WTIP: variants seen among roughly 807,000 people sequenced by gnomAD.
WTIP encodes WT1 interacting protein.
Under a neutral mutation model 41.7 loss-of-function variants are expected in WTIP, and 23 were observed. That is an observed-to-expected ratio of 0.55 (90% CI 0.40 to 0.78). The LOEUF is 0.78. WTIP is among the 30% of genes least tolerant of loss of function. The pLI, the probability that WTIP is intolerant of heterozygous loss-of-function variation, is 0.00. For synonymous variants in WTIP, 314 were observed against 269.9 expected (o/e 1.16, Z -1.60); for missense variants, 619 against 610.5 (o/e 1.01, Z -0.15).
chr19:34,486,460 C>G (rs1221170733), intron 1 of WTIP, among the ~76,000 whole-genome samples: 2 of 151,860 alleles, frequency 1.3e-5, no homozygotes, highest in African/African-American at 4.8e-5. Flanking sequence ...CTCCGCCTCC[C>G]AGGTTCAAGT....
At position 34,493,283 on chromosome 19, in the gene WTIP, G is replaced by GTGTGT; in HGVS notation, c.858_859insTGTGT (p.Ala287CysfsTer16). ...CCCAGTACTCCGGGTTCCAGCAGAC[G>GTGTGT]GCCGACAAATGCAGCGTGTGTGGAC... is the stretch of plus-strand genomic sequence containing the variant. On this transcript the variant is annotated frameshift_variant, in exon 4 of 8. Coordinates refer to ENST00000590071, the MANE Select transcript of WTIP (RefSeq NM_001080436.2). LOFTEE classifies it high-confidence loss of function. The surrounding 1 kb of genome is among the most constrained non-coding windows in gnomAD (Gnocchi z 4.1). The GTGTGT allele has an allele frequency of 6.2e-7, 1 of 1,613,556 alleles. No individual in the cohort carries two copies. Among genetic ancestry groups the GTGTGT allele is most frequent in the South Asian group, 1.1e-5 (1 of 91,038 alleles).
At chr19:34,491,997 A>G (rs903487206) in intron 2 of WTIP, among the ~76,000 whole-genome samples, 2 of 151,788 alleles carry the variant, frequency 1.3e-5, no homozygotes, top group African/African-American at 4.8e-5. Context: ...CATTTGCCCA[A>G]CTGGTATTCT....
Position 34,506,231 on chromosome 19 carries a change from G to C in WTIP, c.*5962G>C, listed in dbSNP as rs1447489494. On this transcript the variant is annotated 3_prime_UTR_variant, in exon 8 of 8. Coordinates refer to ENST00000590071, the MANE Select transcript of WTIP (RefSeq NM_001080436.2). The stretch of plus-strand genomic sequence containing the variant: ...CCGTCAAGATTCCTGGCTGTGGATT[G>C]GATGGATGGGAAGCTCTGTCCCTGA... 1 of 152,224 alleles carries C rather than the reference G, an allele frequency of 6.6e-6. No homozygotes were observed. Among genetic ancestry groups the C allele is most frequent in the African/African-American group, 2.4e-5 (1 of 41,462 alleles). 9.4% of individuals were successfully genotyped at this position (152,224 alleles called of 1,614,324 possible).
chr19:34,506,773 TAAATAAATAAATA>T lies in WTIP; in HGVS notation c.*6507_*6519del. 1 of 130,872 alleles carries T rather than the reference TAAATAAATAAATA, an allele frequency of 7.6e-6. No individual in the cohort carries two copies. The highest frequency in any genetic ancestry group is 1.7e-5 in the Non-Finnish European group (1 of 59,810). 8.1% of individuals were successfully genotyped at this position (130,872 alleles called of 1,614,324 possible). A position where few individuals can be genotyped will look rare whatever the true frequency, so the allele number is the denominator to read the frequency against. On this transcript the variant is annotated 3_prime_UTR_variant, in exon 8 of 8. Transcript: ENST00000590071. ...AGACGCTATCTCAAAAATAAATAAA[TAAATAAATAAATA>T]AATAAATAAATGAATATAAATAAAA... is the stretch of plus-strand genomic sequence containing the variant.
intron 1 of WTIP, among the ~76,000 whole-genome samples, chr19:34,487,703 G>T (rs2075804713): frequency 6.6e-6 from 1 of 152,210 alleles, no homozygotes; most frequent in Non-Finnish European, 1.5e-5. Flanking sequence ...GGGAGAGGAG[G>T]TTATTTAAGG....
intron 7 of WTIP, among the ~76,000 whole-genome samples, chr19:34,498,036 TGCAGCGGTCGGTA>T (rs2075864580): frequency 6.6e-6 from 1 of 152,100 alleles, no homozygotes; most frequent in South Asian, 2.1e-4. Context: ...TGGCCTGGTG[TGCAGCGGTCGGTA>T]GCAGGGCCCA....
Position 34,493,618 on chromosome 19 carries a change from C to G in WTIP, c.1027C>G (p.His343Asp), listed in dbSNP as rs1158809229. ...CAACATCTACTGCGTGCGAGACTAT[C>G]ACACGTGAGTTGCTGGTGCTGTGGA... ...ENNIYCVRDY[H>D]TVFAPKCASC... The change falls in exon 5 of 8, where the codon CAC becomes GAC. Residue 343 changes from histidine to aspartate, a missense_variant. Physicochemically the swap from His to Asp is moderately conservative, Grantham distance 81. Coordinates refer to ENST00000590071, the MANE Select transcript of WTIP (RefSeq NM_001080436.2). The surrounding 1 kb of genome is among the most constrained non-coding windows in gnomAD (Gnocchi z 4.1). 6.2e-7 allele frequency: 1 copy of G among 1,613,376 alleles called. No homozygotes were observed. Among genetic ancestry groups the G allele is most frequent in the Non-Finnish European group, 8.5e-7 (1 of 1,179,878 alleles).
intron 7 of WTIP, among the ~76,000 whole-genome samples, chr19:34,497,369 A>T (rs1490432095): frequency 6.6e-6 from 1 of 152,090 alleles, no homozygotes; most frequent in African/African-American, 2.4e-5. Flanking sequence ...AGTCACTGTC[A>T]TCTGTTTAGC....
intron 1 of WTIP, among the ~76,000 whole-genome samples, chr19:34,486,389 C>T (rs2075797547): frequency 6.9e-6 from 1 of 145,140 alleles, no homozygotes; most frequent in Non-Finnish European, 1.5e-5. Context: ...TTTTTTGAGA[C>T]AGAGTTTTGC....
chr19:34,482,056 G>A lies in WTIP; in HGVS notation c.82G>A (p.Gly28Ser). Residue 28 changes from glycine (G) to serine (S), a missense_variant, in exon 1 of 8, where the codon GGC becomes AGC. Physicochemically the swap from Gly to Ser is moderately conservative, Grantham distance 56. This residue lies in a region of WTIP where 363 missense variants were observed against 309.0 expected (regional missense o/e 1.17). Transcript: ENST00000590071. ...CCTGCGGGAGCTGGAGCCCGGGTGC[G>A]GCTCTCCCGGTCGGGGGCGGCGGGG... Reference protein sequence around the residue: ...LALRELEPGCGSPGRGRRGPR... With the variant: ...LALRELEPGCSSPGRGRRGPR... 4.8e-6 allele frequency: 5 copies of A among 1,034,148 alleles called. No homozygotes were observed. The highest frequency in any genetic ancestry group is 5.8e-6 in the Non-Finnish European group (5 of 862,796). 64.1% of individuals were successfully genotyped at this position (1,034,148 alleles called of 1,614,324 possible). A position where few individuals can be genotyped will look rare whatever the true frequency, so the allele number is the denominator to read the frequency against.
chr19:34,483,036 C>T (rs1353639836), intron 1 of WTIP, among the ~76,000 whole-genome samples: 5 of 125,946 alleles, frequency 4.0e-5, no homozygotes, highest in Admixed American at 3.6e-4. Flanking sequence ...ACAGGGTCTT[C>T]CTCTGTCGCC....
At chr19:34,482,804 G>A (rs2075775912) in intron 1 of WTIP, 163 bp downstream of exon 1, 1 of 984,564 alleles carries the variant, frequency 1.0e-6, no homozygotes. Context: ...CCTGGGGACT[G>A]GGGAGCGCAA....
intron 1 of WTIP, among the ~76,000 whole-genome samples, chr19:34,486,163 T>C (rs2075796134): frequency 6.6e-6 from 1 of 152,088 alleles, no homozygotes; most frequent in Non-Finnish European, 1.5e-5. Context: ...GTAACTCCAG[T>C]CTGCTTCTCA....
intron 5 of WTIP, 87 bp from the exon 6 acceptor site, chr19:34,494,499 C>A: frequency 7.4e-7 from 1 of 1,343,494 alleles, no homozygotes; most frequent in Non-Finnish European, 1.1e-6. Context: ...TGGGCTACGT[C>A]AGTGGGTTCC....
At position 34,482,014 on chromosome 19, in the gene WTIP, C is replaced by T. The variant is rs1352456521; in HGVS notation, c.40C>T (p.Leu14Phe). The T allele has an allele frequency of 2.0e-6, 2 of 1,022,202 alleles. No homozygotes were observed. Among genetic ancestry groups the T allele is most frequent in the Non-Finnish European group, 2.3e-6 (2 of 855,330 alleles). The allele number at this position is 1,022,202 out of a possible 1,614,324, so 63.3% of individuals were successfully genotyped here. Residue 14 changes from leucine to phenylalanine, a missense_variant, in exon 1 of 8, where the codon CTC (leucine) becomes TTC (phenylalanine). Leu to Phe is a conservative substitution (Grantham distance 22). This residue lies in a region of WTIP where 363 missense variants were observed against 309.0 expected (regional missense o/e 1.17). Coordinates refer to ENST00000590071, the MANE Select transcript of WTIP (RefSeq NM_001080436.2). ...SRAGADEAAL[L>F]LAGLALRELE... ...GGCGGGCGCGGACGAGGCGGCCCTA[C>T]TCCTGGCCGGGCTGGCCCTGCGGGA... is the stretch of plus-strand genomic sequence containing the variant.
intron 1 of WTIP, among the ~76,000 whole-genome samples, chr19:34,486,201 G>A (rs759685874): frequency 2.0e-5 from 3 of 151,852 alleles, no homozygotes; most frequent in Non-Finnish European, 4.4e-5. Context: ...TGTAATCGCC[G>A]TCTGCCCAGC....
intron 1 of WTIP, among the ~76,000 whole-genome samples, chr19:34,488,415 G>A (rs1021474889): frequency 1.3e-5 from 2 of 151,920 alleles, no homozygotes; most frequent in African/African-American, 4.8e-5. Flanking sequence ...ACCCAGGCCG[G>A]AGTGCAGTGA....
intron 7 of WTIP, among the ~76,000 whole-genome samples, chr19:34,499,631 C>G (rs1307833572): frequency 6.6e-6 from 1 of 152,168 alleles, no homozygotes; most frequent in Non-Finnish European, 1.5e-5. Context: ...CTCTTGGATA[C>G]CTGAGAGGCA....
In WTIP at chr19:34,482,371, G is replaced by C; in HGVS notation, c.397G>C (p.Gly133Arg). ...TCGCTCGGACCCGCGTCCCGGTCCC[G>C]GGCCGCCTTCGGTGGGCAGCGCCCG... ...SGRSDPRPGP[G>R]PPSVGSARSS... Residue 133 changes from glycine (G) to arginine (R), a missense_variant, in exon 1 of 8, where the codon GGG becomes CGG. By Grantham distance (125) the Gly-to-Arg change is moderately radical. This residue lies in a region of WTIP where 363 missense variants were observed against 309.0 expected (regional missense o/e 1.17). Transcript: ENST00000590071. 1 of 1,369,270 alleles carries C rather than the reference G, an allele frequency of 7.3e-7. No homozygotes were observed. The allele number at this position is 1,369,270 out of a possible 1,614,324, so 84.8% of individuals were successfully genotyped here.
Sources: allele counts gnomAD v4.1 joint callset (sites outside exome capture counted in the v4.1 genomes callset), GRCh38; gene constraint gnomAD v4.1.1; regional missense constraint gnomAD v4.1.1; non-coding constraint Gnocchi (gnomAD v3.1); transcripts MANE v1.5; gene names NCBI Gene and HGNC (gene_info 2026-07-23, HGNC 2026-07-21).